TENM3: variants seen among roughly 807,000 people sequenced by gnomAD.
TENM3 encodes teneurin transmembrane protein 3.
A neutral mutation model predicts 255.1 loss-of-function variants in TENM3; 63 were observed. That is an observed-to-expected ratio of 0.25 (90% confidence interval 0.20 to 0.30). The LOEUF (loss-of-function observed/expected upper bound fraction) is 0.30, where lower values mean the gene tolerates loss of function less well. Among genes scored for constraint, TENM3 ranks in the 10% least tolerant of loss-of-function variants. The pLI, the probability that TENM3 is intolerant of heterozygous loss-of-function variation, is 1.00. For synonymous variants in TENM3, 1,306 were observed against 1,322.3 expected, an observed-to-expected ratio of 0.99 and a Z score of 0.27; for missense variants, 2,929 against 3,461.1, an observed-to-expected ratio of 0.85 and a Z score of 3.86.
At chr4:182,393,947 T>C (rs1282790104) in intron 3 of TENM3, among the ~76,000 whole-genome samples, 3 of 152,154 alleles carry the variant, frequency 2.0e-5, no homozygotes, top group Non-Finnish European at 2.9e-5. Context: ...AGAGCTCTTA[T>C]TCCCTGACCA....
chr4:182,603,784 T>TATATATATATATATATATACATAC (rs58332965), intron 4 of TENM3, among the ~76,000 whole-genome samples: 1 of 134,164 alleles, frequency 7.5e-6, no homozygotes, highest in African/African-American at 2.7e-5. Context: ...TATATATATA[T>TATATATATATATATATATACATAC]ACACACACAC....
rs184232067 is a variant in TENM3 at position 182,289,683 on chromosome 4, A to C, written c.-75-34263A>C. Among the ~76,000 whole-genome samples, 5 of 152,340 alleles carry C rather than the reference A, an allele frequency of 3.3e-5. No individual in the cohort carries two copies. The East Asian group carries it at 7.7e-4, about 23-fold the overall frequency. The stretch of plus-strand genomic sequence containing the variant: ...AGCAACTCCTTCACCTGCTGAGTCT[A>C]ATAAACATTAATTGAGAATCTTGTA... On this transcript the variant is annotated intron_variant, in intron 1 of 27. Coordinates refer to ENST00000511685, the MANE Select transcript of TENM3 (RefSeq NM_001080477.4).
chr4:181,963,220 A>T, the TENM3 span, among the ~76,000 whole-genome samples: 1 of 152,352 alleles, frequency 6.6e-6, no homozygotes, highest in African/African-American at 2.4e-5. Flanking sequence ...AGTGGCTATA[A>T]ACAAATAAAA....
chr4:182,282,736 T>G (rs1233054842), intron 1 of TENM3, among the ~76,000 whole-genome samples: 1 of 151,700 alleles, frequency 6.6e-6, no homozygotes, highest in Non-Finnish European at 1.5e-5. Context: ...CTACTAAAAG[T>G]ACAAAAACTA....
At chr4:181,669,571 C>T in the TENM3 span, among the ~76,000 whole-genome samples, 1 of 152,114 alleles carries the variant, frequency 6.6e-6, no homozygotes, top group Non-Finnish European at 1.5e-5. Context: ...TCCCCTTCTT[C>T]CCTCCTCGGT....
At chr4:181,905,927 C>A in the TENM3 span, 1 of 572,552 alleles carries the variant, frequency 1.7e-6, no homozygotes, top group Non-Finnish European at 3.3e-6. Context: ...AATGACATTG[C>A]TCCAACTTCG....
At chr4:182,017,329 GT>G in the TENM3 span, among the ~76,000 whole-genome samples, 1 of 152,072 alleles carries the variant, frequency 6.6e-6, no homozygotes, top group Non-Finnish European at 1.5e-5. Flanking sequence ...TGAGAGGCTT[GT>G]TTTTTTTCAT....
the TENM3 span, among the ~76,000 whole-genome samples, chr4:181,736,277 G>A: frequency 1.3e-5 from 2 of 152,110 alleles, no homozygotes; most frequent in Non-Finnish European, 2.9e-5. Flanking sequence ...CAGCCTGGGC[G>A]ACAATAGCAA....
chr4:182,131,393 T>G, the TENM3 span, among the ~76,000 whole-genome samples: 1 of 152,222 alleles, frequency 6.6e-6, no homozygotes, highest in Non-Finnish European at 1.5e-5. Context: ...TTTCTGTTTA[T>G]GACTATGAAT....
At chr4:181,964,412 C>T in the TENM3 span, among the ~76,000 whole-genome samples, 1 of 152,126 alleles carries the variant, frequency 6.6e-6, no homozygotes, top group Non-Finnish European at 1.5e-5. Flanking sequence ...TGACTCTAGC[C>T]TGAATGAGCT....
the TENM3 span, among the ~76,000 whole-genome samples, chr4:181,939,252 G>A: frequency 6.6e-6 from 1 of 152,116 alleles, no homozygotes; most frequent in Non-Finnish European, 1.5e-5. Context: ...TCCTAGTCCT[G>A]CAGGAAGGAA....
At chr4:182,153,504 G>A (rs927440518) in intron 1 of TENM3, among the ~76,000 whole-genome samples, 7 of 151,918 alleles carry the variant, frequency 4.6e-5, no homozygotes, top group Admixed American at 1.3e-4. Context: ...TAGGAACTTC[G>A]GTCAACCATC....
At chr4:182,423,886 A>G (rs997438899) in intron 3 of TENM3, among the ~76,000 whole-genome samples, 1 of 152,158 alleles carries the variant, frequency 6.6e-6, no homozygotes, top group Non-Finnish European at 1.5e-5. Flanking sequence ...GCCTTCCGTT[A>G]ACTTTAGTCA....
At chr4:182,479,646 T>C (rs1216766875) in intron 3 of TENM3, among the ~76,000 whole-genome samples, 1 of 152,050 alleles carries the variant, frequency 6.6e-6, no homozygotes, top group Non-Finnish European at 1.5e-5. Context: ...AATCCTCATT[T>C]GTAGTGTTGA....
chr4:182,556,019 C>T (rs72701945), intron 3 of TENM3, among the ~76,000 whole-genome samples: 2 of 152,118 alleles, frequency 1.3e-5, no homozygotes, highest in Admixed American at 1.3e-4. Flanking sequence ...TAGTCTCTTT[C>T]TCTGACCAAA....
chr4:181,550,674 AAGAT>A, the TENM3 span, among the ~76,000 whole-genome samples: 178 of 152,326 alleles, frequency 1.2e-3, 1 homozygote, highest in African/African-American at 4.1e-3. Flanking sequence ...TGGATATTGA[AAGAT>A]AGCCTAGAGT....
the TENM3 span, among the ~76,000 whole-genome samples, chr4:181,605,581 AAAGGAAAGAAAG>A: frequency 0.025 from 833 of 33,792 alleles, 95 homozygotes; most frequent in Non-Finnish European, 0.046. Context: ...AGAGAGAAAG[AAAGGAAAGAAAG>A]AAAGAAAGAA....
At chr4:182,604,664 C>T (rs1373958790) in intron 4 of TENM3, among the ~76,000 whole-genome samples, 6 of 152,182 alleles carry the variant, frequency 3.9e-5, no homozygotes, top group East Asian at 1.9e-4. Flanking sequence ...CATTTATATA[C>T]GTGAATTAAA....
At chr4:181,679,180 G>A in the TENM3 span, among the ~76,000 whole-genome samples, 1 of 152,012 alleles carries the variant, frequency 6.6e-6, no homozygotes, top group Admixed American at 6.6e-5. Context: ...ATCAAATAAG[G>A]CAAGCACCAA....
Sources: allele counts gnomAD v4.1 joint callset (sites outside exome capture counted in the v4.1 genomes callset), GRCh38; gene constraint gnomAD v4.1.1; transcripts MANE v1.5; gene names NCBI Gene and HGNC (gene_info 2026-07-23, HGNC 2026-07-21).